The following TDRD3 variants were observed in gnomAD, a reference collection of about 807,000 sequenced individuals.
TDRD3 encodes tudor domain-containing protein 3.
TDRD3 carries 45 observed loss-of-function variants against 86.7 expected under a neutral mutation model. That is an observed-to-expected ratio of 0.52 (90% confidence interval 0.41 to 0.67). TDRD3 has a LOEUF of 0.67. TDRD3 is among the 30% of genes least tolerant of loss of function. The pLI is 0.00. For missense variants in TDRD3, 814 were observed against 889.0 expected (o/e 0.92, Z 1.07); for synonymous variants, 298 against 301.7 (o/e 0.99, Z 0.13).
intron 6 of TDRD3, among the ~76,000 whole-genome samples, chr13:60,485,242 G>A (rs1956405372): frequency 6.6e-6 from 1 of 151,950 alleles, no homozygotes; most frequent in Non-Finnish European, 1.5e-5. Context: ...TCAGAATTGA[G>A]GGCTTCTTTT....
intron 10 of TDRD3, among the ~76,000 whole-genome samples, chr13:60,522,332 A>C (rs1412959533): frequency 6.6e-6 from 1 of 152,192 alleles, no homozygotes; most frequent in Non-Finnish European, 1.5e-5. Flanking sequence ...CCGAACTAAA[A>C]ATAGGAGTTG....
intron 8 of TDRD3, among the ~76,000 whole-genome samples, chr13:60,506,553 T>C (rs1181477805): frequency 6.6e-6 from 1 of 152,084 alleles, no homozygotes; most frequent in African/African-American, 2.4e-5. Context: ...TTTGAGGAGT[T>C]TGAGACCAGC....
At chr13:60,451,007 A>G (rs771111167) in intron 3 of TDRD3, among the ~76,000 whole-genome samples, 5 of 152,200 alleles carry the variant, frequency 3.3e-5, no homozygotes, top group Non-Finnish European at 7.4e-5. Context: ...AATGTTTTCT[A>G]TTACACAAAA....
intron 7 of TDRD3, among the ~76,000 whole-genome samples, chr13:60,490,034 T>G (rs909351501): frequency 1.4e-5 from 2 of 143,800 alleles, no homozygotes; most frequent in Non-Finnish European, 3.0e-5. Context: ...GAATATTTGA[T>G]AATTAAAGCA....
chr13:60,467,449 A>C, intron 5 of TDRD3, 70 bp downstream of exon 5: 1 of 1,534,638 alleles, frequency 6.5e-7, no homozygotes. Flanking sequence ...GAGCTCTTTC[A>C]ATAATGAGTA....
intron 11 of TDRD3, among the ~76,000 whole-genome samples, chr13:60,533,067 A>G (rs1957620775): frequency 6.6e-6 from 1 of 152,232 alleles, no homozygotes; most frequent in Admixed American, 6.5e-5. Context: ...AACAATTCAC[A>G]GAACACAAAA....
chr13:60,433,791 G>C (rs1955014286), intron 1 of TDRD3, among the ~76,000 whole-genome samples: 1 of 152,140 alleles, frequency 6.6e-6, no homozygotes, highest in South Asian at 2.1e-4. Flanking sequence ...CTTTAGCTCA[G>C]TCAGCTGATG....
upstream of TDRD3, chr13:60,396,492 G>A (rs1208315482): frequency 6.6e-6 from 1 of 152,434 alleles, no homozygotes; most frequent in African/African-American, 2.4e-5. Flanking sequence ...CAGCGCGGGC[G>A]AAGGGCATCG....
chr13:60,559,381 C>T (rs955525433), intron 12 of TDRD3, among the ~76,000 whole-genome samples: 7 of 152,078 alleles, frequency 4.6e-5, no homozygotes, highest in South Asian at 2.1e-4. Flanking sequence ...CCAACTGACA[C>T]GTTTTGGAAC....
At chr13:60,401,914 G>A (rs560500967) in intron 1 of TDRD3, among the ~76,000 whole-genome samples, 1 of 152,200 alleles carries the variant, frequency 6.6e-6, no homozygotes. Flanking sequence ...TGTAGAACTG[G>A]AAAACAACCA....
intron 12 of TDRD3, among the ~76,000 whole-genome samples, chr13:60,546,597 A>G (rs1957945389): frequency 6.6e-6 from 1 of 152,160 alleles, no homozygotes. Context: ...TTTCCTATCT[A>G]TTCTAATGAC....
intron 12 of TDRD3, among the ~76,000 whole-genome samples, chr13:60,543,501 TC>T (rs1191519612): frequency 1.3e-5 from 2 of 152,202 alleles, no homozygotes; most frequent in Admixed American, 1.3e-4. Context: ...GAATTTTTTT[TC>T]CTGTATAGAA....
At chr13:60,513,752 A>G (rs1200465324) in intron 10 of TDRD3, among the ~76,000 whole-genome samples, 4 of 152,202 alleles carry the variant, frequency 2.6e-5, no homozygotes, top group East Asian at 1.9e-4. Flanking sequence ...TGCCATCCAC[A>G]TAAGATGTGA....
intron 10 of TDRD3, among the ~76,000 whole-genome samples, chr13:60,523,664 C>T (rs1344562236): frequency 6.6e-6 from 1 of 150,872 alleles, no homozygotes; most frequent in Non-Finnish European, 1.5e-5. Context: ...GCAGCCTCCA[C>T]CTCCCAGGTT....
chr13:60,407,262 G>A (rs1244342499), intron 1 of TDRD3, among the ~76,000 whole-genome samples: 2 of 152,190 alleles, frequency 1.3e-5, no homozygotes, highest in Admixed American at 6.5e-5. Context: ...TTAGCACGAT[G>A]TAAGGTGCAC....
In TDRD3 at chr13:60,557,820, A is replaced by ATTTTTTTTTTTTTTTTTTTTTTTT. The variant is rs749028045; in HGVS notation, c.2119-9683_2119-9682insTTTTTTTTTTTTTTTTTTTTTTTT. Among the ~76,000 whole-genome samples, 13 of 88,282 alleles carry ATTTTTTTTTTTTTTTTTTTTTTTT rather than the reference A, an allele frequency of 1.5e-4. 2 individuals are homozygous for ATTTTTTTTTTTTTTTTTTTTTTTT. Among genetic ancestry groups the ATTTTTTTTTTTTTTTTTTTTTTTT allele is most frequent in the Admixed American group, 3.0e-4 (2 of 6,754 alleles). The allele number at this position is 88,282 out of a possible 152,430, so 57.9% of individuals were successfully genotyped here. A position where few individuals can be genotyped will look rare whatever the true frequency, so the allele number is the denominator to read the frequency against. On this transcript the variant is annotated intron_variant, in intron 12 of 13. Transcript: ENST00000377881. ...GGCATAAAGGATTTTTTTTTTCCTG[A>ATTTTTTTTTTTTTTTTTTTTTTTT]TTTTTTTTTTTTTTTTTTTTTTGAG...
chr13:60,455,616 A>G (rs1432088369), intron 3 of TDRD3, among the ~76,000 whole-genome samples: 1 of 152,184 alleles, frequency 6.6e-6, no homozygotes, highest in Admixed American at 6.5e-5. Context: ...CTTAATTTTA[A>G]TCTACTTTGC....
intron 12 of TDRD3, among the ~76,000 whole-genome samples, chr13:60,554,672 C>A (rs954433478): frequency 6.6e-6 from 1 of 152,196 alleles, no homozygotes; most frequent in African/African-American, 2.4e-5. Flanking sequence ...AGACTTCGTG[C>A]TTTCCTAACT....
At chr13:60,498,826 A>T (rs1317338413) in intron 8 of TDRD3, among the ~76,000 whole-genome samples, 1 of 152,122 alleles carries the variant, frequency 6.6e-6, no homozygotes, top group East Asian at 1.9e-4. Context: ...GGCTCAGCTG[A>T]TGTTGATTCC....
Sources: allele counts gnomAD v4.1 joint callset (sites outside exome capture counted in the v4.1 genomes callset), GRCh38; gene constraint gnomAD v4.1.1; transcripts MANE v1.5; gene names NCBI Gene and HGNC (gene_info 2026-07-23, HGNC 2026-07-21).